The following MALRD1 variants were observed in gnomAD, a reference collection of about 807,000 sequenced individuals.
MALRD1 encodes the protein MAM and LDL-receptor class A domain-containing protein 1.
Under a neutral mutation model 242.1 loss-of-function variants are expected in MALRD1, and 247 were observed. The observed-to-expected ratio is 1.02, with a 90% confidence interval of 0.92 to 1.13. MALRD1 has a LOEUF of 1.13. Among genes scored for constraint, MALRD1 ranks in the 50% most tolerant of loss-of-function variants. The pLI is 0.00. For synonymous variants in MALRD1, 995 were observed against 866.6 expected, an observed-to-expected ratio of 1.15 and a Z score of -2.60; for missense variants, 2,989 against 2,533.1, an observed-to-expected ratio of 1.18 and a Z score of -3.86.
intron 36 of MALRD1, among the ~76,000 whole-genome samples, chr10:19,671,058 T>TA (rs975920563): frequency 6.6e-5 from 10 of 152,154 alleles, no homozygotes; most frequent in African/African-American, 2.4e-4. Flanking sequence ...TTTTTATTTT[T>TA]ATTTTTATTT....
At chr10:19,593,556 C>G (rs1021663386) in intron 33 of MALRD1, among the ~76,000 whole-genome samples, 1 of 152,140 alleles carries the variant, frequency 6.6e-6, no homozygotes, top group Non-Finnish European at 1.5e-5. Context: ...CTACTTGGCT[C>G]TATATTTTCC....
At chr10:19,221,422 T>C (rs1364685575) in intron 18 of MALRD1, among the ~76,000 whole-genome samples, 2 of 152,204 alleles carry the variant, frequency 1.3e-5, no homozygotes, top group African/African-American at 4.8e-5. Flanking sequence ...GAATCCTGTG[T>C]GAGCAACACT....
chr10:19,502,410 C>T (rs1278919593), intron 31 of MALRD1, among the ~76,000 whole-genome samples: 1 of 152,040 alleles, frequency 6.6e-6, no homozygotes, highest in Admixed American at 6.6e-5. Flanking sequence ...TTCTGTAATT[C>T]TAAAAATGTA....
intron 36 of MALRD1, among the ~76,000 whole-genome samples, chr10:19,680,951 A>G (rs1159520126): frequency 1.3e-5 from 2 of 152,188 alleles, no homozygotes; most frequent in South Asian, 2.1e-4. Context: ...TATTGTCTTT[A>G]AGAATGTTAA....
At chr10:19,066,638 A>G in intron 1 of MALRD1, 81 bp from the exon 2 acceptor site, 1 of 1,073,666 alleles carries the variant, frequency 9.3e-7, no homozygotes, top group East Asian at 3.2e-5. Flanking sequence ...TTTGTTGCTA[A>G]ACTTTATTTT....
chr10:19,357,114 A>AG (rs140981586), intron 26 of MALRD1, among the ~76,000 whole-genome samples: 2,256 of 151,460 alleles, frequency 0.015, 26 homozygotes, highest in Middle Eastern at 0.086. Flanking sequence ...TGTCTGAAAA[A>AG]AAAAAATAAA....
At chr10:19,661,431 T>A (rs1470134305) in intron 36 of MALRD1, among the ~76,000 whole-genome samples, 1 of 152,110 alleles carries the variant, frequency 6.6e-6, no homozygotes, top group African/African-American at 2.4e-5. Context: ...GTGGCACATA[T>A]ACACCGTGGA....
At chr10:19,456,782 T>TATTTATTA (rs1554775849) in intron 29 of MALRD1, among the ~76,000 whole-genome samples, 5,262 of 148,796 alleles carry the variant, frequency 0.035, 332 homozygotes, top group African/African-American at 0.13. Flanking sequence ...TTTATTTATT[T>TATTTATTA]ATTTATTTTG....
chr10:19,327,488 C>G (rs954629032), intron 22 of MALRD1, 75 bp from the exon 23 acceptor site: 2 of 1,143,786 alleles, frequency 1.7e-6, no homozygotes, highest in African/African-American at 3.2e-5. Flanking sequence ...AAAAAAATCA[C>G]TGGAAGAATT....
chr10:19,319,379 C>T (rs1019994235), intron 21 of MALRD1, among the ~76,000 whole-genome samples: 4 of 152,042 alleles, frequency 2.6e-5, no homozygotes, highest in Non-Finnish European at 5.9e-5. Context: ...TTATAAAAAA[C>T]GTTATTCTTT....
intron 36 of MALRD1, among the ~76,000 whole-genome samples, chr10:19,635,241 A>T (rs539240299): frequency 6.6e-6 from 1 of 152,210 alleles, no homozygotes; most frequent in African/African-American, 2.4e-5. Flanking sequence ...TAAAACTCCA[A>T]GATAGTAAAC....
At chr10:19,380,277 CT>C (rs11449066) in intron 26 of MALRD1, among the ~76,000 whole-genome samples, 32,506 of 140,564 alleles carry the variant, frequency 0.23, 3,792 homozygotes, top group East Asian at 0.32. Flanking sequence ...GGCCAGCCTT[CT>C]TTTTTTTTTT....
intron 31 of MALRD1, among the ~76,000 whole-genome samples, chr10:19,514,677 C>A (rs982776083): frequency 2.6e-5 from 4 of 152,058 alleles, no homozygotes; most frequent in Non-Finnish European, 2.9e-5. Flanking sequence ...AACCTTAGTT[C>A]ATTTAATAAA....
At position 19,675,961 on chromosome 10, in the gene MALRD1, G is replaced by T. The variant is rs1222468898; in HGVS notation, c.6138-16321G>T. 2.0e-5 allele frequency among the ~76,000 whole-genome samples: 3 copies of T among 152,184 alleles called. 1 individual carries two copies. Among genetic ancestry groups the T allele is most frequent in the Non-Finnish European group, 4.4e-5 (3 of 68,038 alleles). On this transcript the variant is annotated intron_variant, in intron 36 of 39. Coordinates refer to ENST00000454679, the MANE Select transcript of MALRD1 (RefSeq NM_001142308.3). ...CAAAGAAAGGCTTCCAGAGATAAAT[G>T]ATAATTGGTCTGTATCCTTAAAAGT...
chr10:19,157,229 A>G (rs1379904087), intron 12 of MALRD1, among the ~76,000 whole-genome samples: 1 of 151,390 alleles, frequency 6.6e-6, no homozygotes, highest in Non-Finnish European at 1.5e-5. Context: ...AATTTTTTTA[A>G]TAAGTTTGTG....
In MALRD1 at chr10:19,315,604, T is replaced by TATTATTTA. The variant is rs1443586887; in HGVS notation, c.3420-8345_3420-8344insATTATTTA. Among the ~76,000 whole-genome samples the TATTATTTA allele has an allele frequency of 4.3e-4, 33 of 76,706 alleles. 1 individual carries two copies. In the East Asian group the frequency reaches 9.9e-3, roughly 23 times the overall value. The allele number at this position is 76,706 out of a possible 152,430, so 50.3% of individuals were successfully genotyped here. A position where few individuals can be genotyped will look rare whatever the true frequency, so the allele number is the denominator to read the frequency against. On this transcript the variant is annotated intron_variant, in intron 21 of 39. Transcript: ENST00000454679. ...TATAAATTATAAATATTTATATAAA[T>TATTATTTA]TATAAATATTTATATAAATTATAAA...
intron 19 of MALRD1, among the ~76,000 whole-genome samples, chr10:19,261,613 A>C (rs946658205): frequency 2.6e-5 from 4 of 152,038 alleles, no homozygotes; most frequent in African/African-American, 9.7e-5. Context: ...TTGGCCAATA[A>C]AACAAAGCAA....
chr10:19,120,178 C>T (rs1392710253), intron 5 of MALRD1, among the ~76,000 whole-genome samples: 1 of 151,848 alleles, frequency 6.6e-6, no homozygotes, highest in Non-Finnish European at 1.5e-5. Context: ...AGCTTCCAGG[C>T]AGTCTCATGT....
At chr10:19,208,716 C>T (rs1836900953) in intron 17 of MALRD1, among the ~76,000 whole-genome samples, 1 of 152,092 alleles carries the variant, frequency 6.6e-6, no homozygotes, top group African/African-American at 2.4e-5. Context: ...GCAATTTTAC[C>T]GTGAGCCCCA....
Sources: allele counts gnomAD v4.1 joint callset (sites outside exome capture counted in the v4.1 genomes callset), GRCh38; gene constraint gnomAD v4.1.1; transcripts MANE v1.5; gene names NCBI Gene and HGNC (gene_info 2026-07-23, HGNC 2026-07-21).